DYM: variants seen among roughly 807,000 people sequenced by gnomAD.
The protein encoded by DYM is dymeclin.
In DYM, 78 loss-of-function variants were observed where a neutral mutation model predicts 93.1. That is an observed-to-expected ratio of 0.84 (90% CI 0.70 to 1.01). The LOEUF is 1.01. Ranked by LOEUF, DYM falls within the 50% of genes least tolerant of loss-of-function variation. The pLI is 0.00. For synonymous variants in DYM, 321 were observed against 319.7 expected (o/e 1.00, Z -0.04); for missense variants, 789 against 845.0 (o/e 0.93, Z 0.82).
At position 49,230,147 on chromosome 18, in the gene DYM, T is replaced by C. The variant is rs565576855; in HGVS notation, c.1461-20432A>G. On this transcript the variant is annotated intron_variant, in intron 13 of 17. Transcript: ENST00000675505. ...GGTGGTAAATACATGACTATATGTG[T>C]TTGTCAACTCAAAGAACTATTTACT... Among the ~76,000 whole-genome samples the C allele has an allele frequency of 2.0e-5, 3 of 152,264 alleles. No homozygotes were observed. The East Asian group carries it at 5.8e-4, about 29-fold the overall frequency.
chr18:49,328,858 T>G (rs1229967363), intron 8 of DYM, among the ~76,000 whole-genome samples: 1 of 152,128 alleles, frequency 6.6e-6, no homozygotes, highest in East Asian at 1.9e-4. Flanking sequence ...GTTCAACCAT[T>G]GTGGAAGACA....
chr18:49,174,839 G>T (rs913033297), intron 14 of DYM, among the ~76,000 whole-genome samples: 2 of 140,922 alleles, frequency 1.4e-5, no homozygotes, highest in African/African-American at 6.5e-5. Flanking sequence ...CTGAGACAGA[G>T]AGAGAGCGAG....
intron 3 of DYM, among the ~76,000 whole-genome samples, chr18:49,390,051 C>T (rs1167191066): frequency 1.3e-5 from 2 of 152,118 alleles, no homozygotes; most frequent in Non-Finnish European, 2.9e-5. Context: ...AAAAAATTCC[C>T]TAAGCTATGG....
At chr18:49,301,509 A>G (rs572680569) in intron 8 of DYM, among the ~76,000 whole-genome samples, 1 of 148,152 alleles carries the variant, frequency 6.7e-6, no homozygotes, top group South Asian at 2.2e-4. Flanking sequence ...TGACAGAGTG[A>G]GACTCCGTCT....
intron 17 of DYM, among the ~76,000 whole-genome samples, chr18:49,080,142 CGGCTGGCCGGGGGGGGGCTG>C (rs2077713918): frequency 6.2e-5 from 1 of 16,016 alleles, no homozygotes; most frequent in Non-Finnish European, 1.0e-4. Context: ...CCGGACGGGG[CGGCTGGCCGGGGGGGGGCTG>C]ACCCCCCCAC....
intron 3 of DYM, among the ~76,000 whole-genome samples, chr18:49,390,062 T>C (rs1378968468): frequency 1.3e-5 from 2 of 152,196 alleles, no homozygotes; most frequent in Non-Finnish European, 2.9e-5. Flanking sequence ...TAAGCTATGG[T>C]TGTAAGGCAA....
intron 15 of DYM, among the ~76,000 whole-genome samples, chr18:49,129,311 T>A (rs964854500): frequency 6.6e-6 from 1 of 152,078 alleles, no homozygotes; most frequent in Non-Finnish European, 1.5e-5. Context: ...TCAGTTTCCG[T>A]GTAGGATGTG....
chr18:49,362,762 G>A (rs979520795), intron 6 of DYM, among the ~76,000 whole-genome samples: 2 of 152,096 alleles, frequency 1.3e-5, no homozygotes, highest in African/African-American at 2.4e-5. Context: ...ACGAAAACCT[G>A]GCTTCAAAAG....
intron 17 of DYM, among the ~76,000 whole-genome samples, chr18:49,073,604 T>A (rs540953878): frequency 6.6e-6 from 1 of 152,342 alleles, no homozygotes; most frequent in African/African-American, 2.4e-5. Flanking sequence ...AGCCTTGGCC[T>A]GGCAGTAAGG....
At position 49,460,545 on chromosome 18, in the gene DYM, G is replaced by A. The variant is rs2083416055; in HGVS notation, c.-201C>T. On this transcript the variant is annotated 5_prime_UTR_variant, in exon 1 of 18. Coordinates refer to ENST00000675505, the MANE Select transcript of DYM (RefSeq NM_001353214.3). ...GGCCTCCATGTTTCCACGTCTCAGC[G>A]GGTACAGATCCGGCTCCGGTCCGGC... The A allele has an allele frequency of 6.6e-6, 1 of 152,282 alleles. No individual in the cohort carries two copies. The highest frequency in any genetic ancestry group is 1.5e-5 in the Non-Finnish European group (1 of 68,148). 9.4% of individuals were successfully genotyped at this position (152,282 alleles called of 1,614,324 possible). A position where few individuals can be genotyped will look rare whatever the true frequency, so the allele number is the denominator to read the frequency against.
intron 11 of DYM, among the ~76,000 whole-genome samples, chr18:49,270,365 T>C: frequency 6.6e-6 from 1 of 152,238 alleles, no homozygotes; most frequent in East Asian, 1.9e-4. Flanking sequence ...CTCACATATA[T>C]GTGGATTATC....
intron 6 of DYM, among the ~76,000 whole-genome samples, chr18:49,361,440 C>T (rs1489657512): frequency 6.6e-6 from 1 of 152,236 alleles, no homozygotes; most frequent in Non-Finnish European, 1.5e-5. Context: ...TCCATGTAGA[C>T]TGAGATTCTG....
At position 49,042,948 on chromosome 18, in the gene DYM, T is replaced by C. The variant is rs1256005279; in HGVS notation, c.*1107A>G. On this transcript the variant is annotated 3_prime_UTR_variant, in exon 18 of 18. Transcript: ENST00000675505. ...CAAATTACTCTCCTTTTTCTATTAGTGTGGGTGAAGGAAAAAGACTGTTTT... is the reference window on the plus strand; with the variant it reads ...CAAATTACTCTCCTTTTTCTATTAGCGTGGGTGAAGGAAAAAGACTGTTTT... 2.0e-5 allele frequency: 3 copies of C among 152,152 alleles called. No individual in the cohort carries two copies. The highest frequency in any genetic ancestry group is 4.4e-5 in the Non-Finnish European group (3 of 68,030). 9.4% of individuals were successfully genotyped at this position (152,152 alleles called of 1,614,324 possible).
chr18:49,186,773 C>A (rs1311422807), intron 14 of DYM, among the ~76,000 whole-genome samples: 3 of 151,988 alleles, frequency 2.0e-5, no homozygotes, highest in Non-Finnish European at 4.4e-5. Context: ...TATCTAGTAA[C>A]CAAAAATGCA....
rs567307214 is a variant in DYM at position 49,288,262 on chromosome 18, C to T, written c.764-1646G>A. Among the ~76,000 whole-genome samples, 4 of 152,044 alleles carry T rather than the reference C, an allele frequency of 2.6e-5. No homozygotes were observed. In the South Asian group the frequency reaches 8.4e-4, roughly 32 times the overall value. ...TACTATGGCTATATGGTCAACACCACCAACAACAATAAAAATTAAAAGCTT... is the reference window on the plus strand; with the variant it reads ...TACTATGGCTATATGGTCAACACCATCAACAACAATAAAAATTAAAAGCTT... On this transcript the variant is annotated intron_variant, in intron 8 of 17. Coordinates refer to ENST00000675505, the MANE Select transcript of DYM (RefSeq NM_001353214.3).
At chr18:49,183,770 T>C (rs757811184) in intron 14 of DYM, among the ~76,000 whole-genome samples, 5 of 152,110 alleles carry the variant, frequency 3.3e-5, no homozygotes, top group Non-Finnish European at 7.3e-5. Context: ...AAATTTCCTA[T>C]GTTGAAGCCC....
At chr18:49,086,656 G>A (rs1163789533) in intron 17 of DYM, among the ~76,000 whole-genome samples, 1 of 152,124 alleles carries the variant, frequency 6.6e-6, no homozygotes, top group East Asian at 1.9e-4. Context: ...AATAATTAGG[G>A]CATGAAGGTG....
chr18:49,226,096 T>C (rs1481673533), intron 13 of DYM, among the ~76,000 whole-genome samples: 1 of 152,094 alleles, frequency 6.6e-6, no homozygotes, highest in Non-Finnish European at 1.5e-5. Context: ...CAGATTATCA[T>C]ATACCACCAA....
At chr18:49,321,044 G>A (rs2062444124) in intron 8 of DYM, 1 of 218,398 alleles carries the variant, frequency 4.6e-6, no homozygotes, top group Non-Finnish European at 8.9e-6. Flanking sequence ...TCACTTGACT[G>A]GGATATAATT....
Sources: gnomAD v4.1 joint callset for allele counts (sites outside exome capture counted in the v4.1 genomes callset) on GRCh38, gnomAD v4.1.1 for gene constraint, MANE v1.5 for transcripts, NCBI Gene and HGNC (gene_info 2026-07-23, HGNC 2026-07-21) for gene names.